LNPEP: variants seen among roughly 807,000 people sequenced by gnomAD.
LNPEP encodes the protein leucyl and cystinyl aminopeptidase, also known as leucyl-cystinyl aminopeptidase.
A neutral mutation model predicts 120.6 loss-of-function variants in LNPEP; 64 were observed. That is an observed-to-expected ratio of 0.53 (90% CI 0.43 to 0.65). The LOEUF (loss-of-function observed/expected upper bound fraction) is 0.65. Among genes scored for constraint, LNPEP ranks in the 30% least tolerant of loss-of-function variants. LNPEP has a pLI of 0.00. For synonymous variants in LNPEP, 435 were observed against 425.4 expected (o/e 1.02, Z -0.28); for missense variants, 1,057 against 1,200.0 (o/e 0.88, Z 1.76).
At chr5:96,977,964 C>T (rs1790041933) in intron 1 of LNPEP, among the ~76,000 whole-genome samples, 1 of 152,070 alleles carries the variant, frequency 6.6e-6, no homozygotes, top group Admixed American at 6.6e-5. Flanking sequence ...GACTAAATAG[C>T]TGTGTGACTT....
At chr5:97,002,186 A>G (rs1267330216) in intron 8 of LNPEP, among the ~76,000 whole-genome samples, 2 of 152,148 alleles carry the variant, frequency 1.3e-5, no homozygotes, top group Non-Finnish European at 2.9e-5. Flanking sequence ...AGTGATGATT[A>G]GAAGATGGCT....
chr5:96,963,365 G>A (rs1789650707), intron 1 of LNPEP, among the ~76,000 whole-genome samples: 1 of 152,158 alleles, frequency 6.6e-6, no homozygotes, highest in Non-Finnish European at 1.5e-5. Flanking sequence ...ATTATATTCT[G>A]CCGGGTGTTT....
At chr5:96,991,714 G>C (rs894484635) in intron 4 of LNPEP, among the ~76,000 whole-genome samples, 1 of 152,076 alleles carries the variant, frequency 6.6e-6, no homozygotes, top group Non-Finnish European at 1.5e-5. Context: ...ATTAGCCTTT[G>C]TCAGATGTAT....
At chr5:96,990,953 G>A (rs555787908) in intron 4 of LNPEP, among the ~76,000 whole-genome samples, 7 of 152,170 alleles carry the variant, frequency 4.6e-5, no homozygotes, top group African/African-American at 1.2e-4. Context: ...GGTGGTGTTC[G>A]GTTATATGGA....
chr5:96,999,304 G>A (rs1790590232), intron 8 of LNPEP, among the ~76,000 whole-genome samples: 2 of 152,312 alleles, frequency 1.3e-5, no homozygotes, highest in South Asian at 2.1e-4. Flanking sequence ...AGGAGTGCTA[G>A]TAAGGGTGGA....
At chr5:97,013,983 A>G (rs1169743877) in intron 12 of LNPEP, 152 bp downstream of exon 12, 1 of 504,430 alleles carries the variant, frequency 2.0e-6, no homozygotes, top group Non-Finnish European at 3.4e-6. Context: ...CTTTGCCTCC[A>G]GGGACTTTAT....
chr5:96,970,840 T>C (rs1581993427), intron 1 of LNPEP, among the ~76,000 whole-genome samples: 1 of 152,018 alleles, frequency 6.6e-6, no homozygotes, highest in African/African-American at 2.4e-5. Flanking sequence ...TGTGCTTTTG[T>C]TGTCTTTTAT....
intron 13 of LNPEP, 81 bp downstream of exon 13, chr5:97,015,176 C>T: frequency 8.6e-6 from 8 of 925,338 alleles, no homozygotes; most frequent in Non-Finnish European, 1.1e-5. Context: ...CAGTAATAGG[C>T]TGAAAAAGCA....
intron 7 of LNPEP, among the ~76,000 whole-genome samples, chr5:96,997,077 C>T (rs1358229292): frequency 6.6e-6 from 1 of 151,914 alleles, no homozygotes; most frequent in Non-Finnish European, 1.5e-5. Flanking sequence ...ATAGTGGTGT[C>T]ACTATGGTAT....
At chr5:96,978,602 C>G (rs1373098908) in intron 1 of LNPEP, among the ~76,000 whole-genome samples, 1 of 152,120 alleles carries the variant, frequency 6.6e-6, no homozygotes, top group Non-Finnish European at 1.5e-5. Flanking sequence ...GTGGTGCTCC[C>G]TAGAGAGAAT....
intron 1 of LNPEP, among the ~76,000 whole-genome samples, chr5:96,962,387 A>C (rs994484414): frequency 2.0e-5 from 3 of 152,200 alleles, no homozygotes; most frequent in African/African-American, 7.2e-5. Flanking sequence ...AATGTTAACT[A>C]ATGTGTGTAA....
At chr5:96,982,541 A>T (rs1379015438) in intron 2 of LNPEP, among the ~76,000 whole-genome samples, 1 of 152,194 alleles carries the variant, frequency 6.6e-6, no homozygotes, top group East Asian at 1.9e-4. Flanking sequence ...TCTAATTTTT[A>T]TCCAAAAGTG....
At chr5:96,943,455 T>A (rs1789109681) in intron 1 of LNPEP, among the ~76,000 whole-genome samples, 1 of 152,100 alleles carries the variant, frequency 6.6e-6, no homozygotes, top group South Asian at 2.1e-4. Context: ...CCTGGCTAAT[T>A]TTTGTATTTT....
chr5:97,025,924 T>C (rs1026336320), intron 15 of LNPEP, among the ~76,000 whole-genome samples: 1 of 152,176 alleles, frequency 6.6e-6, no homozygotes, highest in East Asian at 1.9e-4. Flanking sequence ...TTTTCTCTCC[T>C]AAAAATACTG....
chr5:96,942,214 T>C lies in LNPEP; in HGVS notation c.19+6040T>C, dbSNP rs186669229. On this transcript the variant is annotated intron_variant, in intron 1 of 17. Coordinates refer to ENST00000231368, the MANE Select transcript of LNPEP (RefSeq NM_005575.3). ...ATGTTTTAGATTTAAAGAAAAAATA[T>C]AGCTCTTTGATAAACAACGTGGTGT... 2.6e-5 allele frequency: 4 copies of C among 152,282 alleles called. No individual in the cohort carries two copies. In the East Asian group the frequency reaches 7.7e-4, roughly 29 times the overall value. The allele number at this position is 152,282 out of a possible 1,614,324, so 9.4% of individuals were successfully genotyped here.
chr5:97,024,738 G>C, intron 15 of LNPEP, 56 bp downstream of exon 15: 3 of 1,504,828 alleles, frequency 2.0e-6, no homozygotes, highest in Non-Finnish European at 2.7e-6. Context: ...CAAACACTGT[G>C]CTCTTGGTCA....
chr5:97,018,175 A>AT (rs1561453850), intron 13 of LNPEP, among the ~76,000 whole-genome samples: 1 of 152,132 alleles, frequency 6.6e-6, no homozygotes, highest in East Asian at 1.9e-4. Context: ...AGATTAGTGC[A>AT]TATCACTCAC....
At chr5:96,949,098 T>G (rs1789261235) in intron 1 of LNPEP, among the ~76,000 whole-genome samples, 1 of 152,210 alleles carries the variant, frequency 6.6e-6, no homozygotes, top group South Asian at 2.1e-4. Flanking sequence ...GAACTAATGG[T>G]GTTTCTTGGA....
At chr5:96,949,846 AAAAC>A (rs920005834) in intron 1 of LNPEP, among the ~76,000 whole-genome samples, 7 of 152,152 alleles carry the variant, frequency 4.6e-5, no homozygotes, top group African/African-American at 1.7e-4. Context: ...AAACAACTCC[AAAAC>A]AAACATTTAA....
Sources: allele counts gnomAD v4.1 joint callset (sites outside exome capture counted in the v4.1 genomes callset), GRCh38; gene constraint gnomAD v4.1.1; transcripts MANE v1.5; gene names NCBI Gene and HGNC (gene_info 2026-07-23, HGNC 2026-07-21).